The following B3GALT1 variants were observed in gnomAD, a reference collection of about 807,000 sequenced individuals.
The protein encoded by B3GALT1 is UDP-Gal:betaGlcNAc beta 1,3-galactosyltransferase, polypeptide 1.
In B3GALT1, 10 loss-of-function variants were observed where a neutral mutation model predicts 23.2. The observed-to-expected ratio is 0.43, with a 90% CI of 0.27 to 0.73. B3GALT1 has a LOEUF of 0.73. Among genes scored for constraint, B3GALT1 ranks in the 30% least tolerant of loss-of-function variants. B3GALT1 has a pLI of 0.21. For synonymous variants in B3GALT1, 156 were observed against 141.5 expected, an observed-to-expected ratio of 1.10 and a Z score of -0.73; for missense variants, 299 against 405.4, an observed-to-expected ratio of 0.74 and a Z score of 2.25.
intron 3 of B3GALT1, among the ~76,000 whole-genome samples, chr2:167,655,807 A>G (rs776697707): frequency 6.6e-6 from 1 of 152,142 alleles, no homozygotes; most frequent in Non-Finnish European, 1.5e-5. Flanking sequence ...TATATTGTCT[A>G]GTACTTGTAG....
intron 1 of B3GALT1, among the ~76,000 whole-genome samples, chr2:167,342,505 G>A (rs947831880): frequency 2.0e-5 from 3 of 151,574 alleles, no homozygotes; most frequent in Admixed American, 2.0e-4. Flanking sequence ...CAGGAGAATC[G>A]CTTGAATTCG....
intron 1 of B3GALT1, among the ~76,000 whole-genome samples, chr2:167,403,484 C>T (rs926283494): frequency 4.6e-5 from 7 of 151,308 alleles, no homozygotes; most frequent in Non-Finnish European, 1.0e-4. Context: ...AATAAACATA[C>T]GTGCAGAGCA....
At chr2:167,393,806 A>G (rs142694813) in intron 1 of B3GALT1, among the ~76,000 whole-genome samples, 1 of 152,332 alleles carries the variant, frequency 6.6e-6, no homozygotes, top group African/African-American at 2.4e-5. Context: ...ATGGACCTGT[A>G]CATGCATCAT....
intron 3 of B3GALT1, among the ~76,000 whole-genome samples, chr2:167,773,463 A>T (rs1256248035): frequency 6.6e-6 from 1 of 152,232 alleles, no homozygotes; most frequent in Non-Finnish European, 1.5e-5. Flanking sequence ...TAAAAGATTC[A>T]TAAAATAATA....
chr2:167,420,490 C>CAT (rs1170377335), intron 1 of B3GALT1, among the ~76,000 whole-genome samples: 2 of 152,108 alleles, frequency 1.3e-5, no homozygotes, highest in Non-Finnish European at 2.9e-5. Context: ...TTTTTATAAA[C>CAT]ATTGTGTATT....
intron 3 of B3GALT1, among the ~76,000 whole-genome samples, chr2:167,722,377 G>A (rs1687248387): frequency 6.6e-6 from 1 of 152,176 alleles, no homozygotes; most frequent in Non-Finnish European, 1.5e-5. Context: ...TCAAGAGGCT[G>A]CAATTACCCC....
chr2:167,315,687 T>C (rs2105489289), intron 1 of B3GALT1, among the ~76,000 whole-genome samples: 1 of 152,312 alleles, frequency 6.6e-6, no homozygotes, highest in Admixed American at 6.5e-5. Flanking sequence ...TACAGTGCCA[T>C]TTAACTCAGT....
intron 2 of B3GALT1, among the ~76,000 whole-genome samples, chr2:167,608,240 G>A (rs989558116): frequency 2.0e-5 from 3 of 152,112 alleles, no homozygotes; most frequent in Non-Finnish European, 1.5e-5. Flanking sequence ...AAACATAAGT[G>A]GACAACTAAT....
intron 3 of B3GALT1, among the ~76,000 whole-genome samples, chr2:167,678,948 T>A (rs368713082): frequency 2.2e-4 from 34 of 152,254 alleles, no homozygotes; most frequent in African/African-American, 8.2e-4. Flanking sequence ...ATGTATGCAC[T>A]TCTATTTCTA....
intron 2 of B3GALT1, among the ~76,000 whole-genome samples, chr2:167,619,131 C>A (rs1258721995): frequency 1.3e-5 from 2 of 151,754 alleles, no homozygotes; most frequent in African/African-American, 2.4e-5. Context: ...TAAAAAACAT[C>A]TTTCTCTTCT....
At chr2:167,444,186 T>C (rs745452158) in intron 1 of B3GALT1, among the ~76,000 whole-genome samples, 23 of 152,268 alleles carry the variant, frequency 1.5e-4, no homozygotes, top group Non-Finnish European at 2.5e-4. Flanking sequence ...TTTGCATATT[T>C]TGAACCAGCC....
intron 2 of B3GALT1, among the ~76,000 whole-genome samples, chr2:167,547,991 C>G (rs1007952055): frequency 6.6e-6 from 1 of 152,298 alleles, no homozygotes; most frequent in East Asian, 1.9e-4. Flanking sequence ...AGAACAATGA[C>G]CTAGTTAATT....
chr2:167,832,319 A>G (rs1689368737), intron 4 of B3GALT1, among the ~76,000 whole-genome samples: 1 of 152,226 alleles, frequency 6.6e-6, no homozygotes, highest in African/African-American at 2.4e-5. Context: ...TCTGACACCA[A>G]CGTACTATAC....
chr2:167,428,432 T>TG (rs1465771653), intron 1 of B3GALT1, among the ~76,000 whole-genome samples: 3 of 152,150 alleles, frequency 2.0e-5, no homozygotes, highest in African/African-American at 7.2e-5. Context: ...TCCAGCACTT[T>TG]GGGGGGCTGA....
intron 3 of B3GALT1, among the ~76,000 whole-genome samples, chr2:167,716,235 C>A (rs1242163932): frequency 6.6e-6 from 1 of 152,186 alleles, no homozygotes; most frequent in Non-Finnish European, 1.5e-5. Flanking sequence ...CCCCCACAGG[C>A]CTCACAGGCC....
At chr2:167,609,717 G>A (rs1034480556) in intron 2 of B3GALT1, among the ~76,000 whole-genome samples, 3 of 152,102 alleles carry the variant, frequency 2.0e-5, no homozygotes, top group Non-Finnish European at 4.4e-5. Flanking sequence ...TTCTTGAGAG[G>A]GTCACTGGCA....
At chr2:167,749,574 A>T (rs376686092) in intron 3 of B3GALT1, among the ~76,000 whole-genome samples, 12 of 152,320 alleles carry the variant, frequency 7.9e-5, no homozygotes, top group African/African-American at 2.9e-4. Flanking sequence ...TCAGACGCTA[A>T]TGCCCTGAGG....
chr2:167,340,045 C>A (rs1261635695), intron 1 of B3GALT1, among the ~76,000 whole-genome samples: 1 of 152,144 alleles, frequency 6.6e-6, no homozygotes, highest in Non-Finnish European at 1.5e-5. Context: ...TAAAGCTGCA[C>A]AAGATTTGAA....
intron 2 of B3GALT1, among the ~76,000 whole-genome samples, chr2:167,510,876 T>C (rs1699994518): frequency 6.6e-6 from 1 of 152,130 alleles, no homozygotes; most frequent in South Asian, 2.1e-4. Context: ...GGTATAAATA[T>C]GGGAATCATT....
Sources: gnomAD v4.1 joint callset for allele counts (sites outside exome capture counted in the v4.1 genomes callset) on GRCh38, gnomAD v4.1.1 for gene constraint, MANE v1.5 for transcripts, NCBI Gene and HGNC (gene_info 2026-07-23, HGNC 2026-07-21) for gene names.